RBFOX1: variants seen among roughly 807,000 people sequenced by gnomAD.
RBFOX1 encodes RNA binding fox-1 homolog 1.
A neutral mutation model predicts 57.7 loss-of-function variants in RBFOX1; 8 were observed. The observed-to-expected ratio is 0.14, with a 90% CI of 0.08 to 0.25. The LOEUF is 0.25. Among genes scored for constraint, RBFOX1 ranks in the 10% least tolerant of loss-of-function variants. The pLI, the probability that RBFOX1 is intolerant of heterozygous loss-of-function variation, is 1.00. For synonymous variants in RBFOX1, 326 were observed against 222.4 expected (o/e 1.47, Z -4.15); for missense variants, 611 against 548.5 (o/e 1.11, Z -1.14).
intron 4 of RBFOX1, among the ~76,000 whole-genome samples, chr16:5,966,558 A>G (rs2059847716): frequency 6.6e-6 from 1 of 152,202 alleles, no homozygotes; most frequent in Non-Finnish European, 1.5e-5. Flanking sequence ...CCCAGGTTCA[A>G]GCAATTCTGC....
chr16:6,148,263 G>T (rs2096773338), intron 1 of RBFOX1, among the ~76,000 whole-genome samples: 1 of 152,216 alleles, frequency 6.6e-6, no homozygotes, highest in Admixed American at 6.5e-5. Context: ...GGAGGTAGAG[G>T]TTGCAGTGAG....
At position 5,679,377 on chromosome 16, in the gene RBFOX1, A is replaced by G. The variant is rs561904132; in HGVS notation, c.318+80416A>G. On this transcript the variant is annotated intron_variant, in intron 3 of 19. Coordinates refer to the RBFOX1 transcript ENST00000641259. ...ACAATTTAAGTTCTGGGATACAAGT[A>G]CAGAATGTACAGGTTTGTTATATAG... Among the ~76,000 whole-genome samples the G allele has an allele frequency of 5.9e-5, 9 of 151,744 alleles. 1 individual carries two copies. The South Asian group carries it at 1.7e-3, about 28-fold the overall frequency.
chr16:7,219,074 G>A (rs933395932), intron 4 of RBFOX1, among the ~76,000 whole-genome samples: 1 of 152,144 alleles, frequency 6.6e-6, no homozygotes, highest in African/African-American at 2.4e-5. Flanking sequence ...TGTGGAGTTG[G>A]CCACCAGCAG....
At chr16:6,123,344 C>T (rs1386647303) in intron 1 of RBFOX1, among the ~76,000 whole-genome samples, 2 of 152,160 alleles carry the variant, frequency 1.3e-5, no homozygotes, top group Non-Finnish European at 2.9e-5. Context: ...AAAATTCTGA[C>T]ATGTGCTATA....
chr16:7,501,963 A>G (rs140095306), intron 4 of RBFOX1, among the ~76,000 whole-genome samples: 64 of 152,302 alleles, frequency 4.2e-4, no homozygotes, highest in African/African-American at 1.3e-3. Flanking sequence ...CAGATACTCA[A>G]TACCTAACTC....
At chr16:6,449,563 C>T (rs907510196) in intron 2 of RBFOX1, among the ~76,000 whole-genome samples, 1 of 152,260 alleles carries the variant, frequency 6.6e-6, no homozygotes. Flanking sequence ...GGATTTATTC[C>T]CCTTTTCCAC....
At chr16:5,348,504 G>A (rs1021401993) in intron 1 of RBFOX1, among the ~76,000 whole-genome samples, 1 of 152,186 alleles carries the variant, frequency 6.6e-6, no homozygotes, top group African/African-American at 2.4e-5. Flanking sequence ...GAGGGTAGCA[G>A]CTTGCCCAGG....
At chr16:7,479,370 A>T (rs1264125095) in intron 4 of RBFOX1, among the ~76,000 whole-genome samples, 1 of 152,056 alleles carries the variant, frequency 6.6e-6, no homozygotes, top group Non-Finnish European at 1.5e-5. Flanking sequence ...GGCTCAGTGT[A>T]TCCTCTGGCT....
At chr16:5,461,286 A>G (rs2068779234) in intron 1 of RBFOX1, among the ~76,000 whole-genome samples, 1 of 152,158 alleles carries the variant, frequency 6.6e-6, no homozygotes, top group African/African-American at 2.4e-5. Context: ...TCAAGAGTGC[A>G]ATTAGAGGCT....
intron 3 of RBFOX1, among the ~76,000 whole-genome samples, chr16:5,695,090 A>G (rs2050807559): frequency 6.6e-6 from 1 of 152,142 alleles, no homozygotes. Context: ...GGCAAATACA[A>G]CAGTGTGTAA....
intron 3 of RBFOX1, among the ~76,000 whole-genome samples, chr16:6,969,425 T>A (rs2085017054): frequency 6.7e-6 from 1 of 150,228 alleles, no homozygotes; most frequent in Admixed American, 6.6e-5. Context: ...TAATTGTGAT[T>A]TTGTACAACA....
intron 3 of RBFOX1, among the ~76,000 whole-genome samples, chr16:7,032,131 A>G (rs2042954575): frequency 6.6e-6 from 1 of 151,996 alleles, no homozygotes; most frequent in Non-Finnish European, 1.5e-5. Flanking sequence ...TTATTTTTAA[A>G]AATCTTATCT....
intron 3 of RBFOX1, among the ~76,000 whole-genome samples, chr16:6,856,540 T>G (rs571788640): frequency 3.8e-4 from 58 of 152,266 alleles, no homozygotes; most frequent in African/African-American, 1.3e-3. Context: ...TGCTCCCTCA[T>G]GAATGTTCAT....
rs181298676 is a variant in RBFOX1 at position 7,035,769 on chromosome 16, C to T, written c.-15-16288C>T. Among the ~76,000 whole-genome samples the T allele has an allele frequency of 3.3e-5, 5 of 152,228 alleles. No individual in the cohort carries two copies. The East Asian group carries it at 5.8e-4, about 18-fold the overall frequency. On this transcript the variant is annotated intron_variant, in intron 3 of 15. Transcript: ENST00000550418. ...TCATTGTTGCAGAACTTTTGGGAAT[C>T]TAGTCCTTCCAGTTAGGATTCCTTA... is the stretch of plus-strand genomic sequence containing the variant.
chr16:5,964,742 G>A (rs1003779857), intron 4 of RBFOX1, among the ~76,000 whole-genome samples: 1 of 151,160 alleles, frequency 6.6e-6, no homozygotes, highest in Non-Finnish European at 1.5e-5. Context: ...TGACTCTTAG[G>A]TTATGTGTGT....
chr16:6,794,093 A>G (rs908310333), intron 3 of RBFOX1, among the ~76,000 whole-genome samples: 4 of 152,074 alleles, frequency 2.6e-5, no homozygotes, highest in African/African-American at 7.2e-5. Context: ...TGACTGAACT[A>G]TAAGTTTAGG....
At chr16:6,480,262 C>G (rs1473365422) in intron 2 of RBFOX1, among the ~76,000 whole-genome samples, 1 of 152,140 alleles carries the variant, frequency 6.6e-6, no homozygotes, top group South Asian at 2.1e-4. Context: ...TACATACACA[C>G]TTTTCACTTA....
At chr16:7,050,084 T>G (rs992332185) in intron 3 of RBFOX1, among the ~76,000 whole-genome samples, 3 of 152,092 alleles carry the variant, frequency 2.0e-5, no homozygotes, top group African/African-American at 7.2e-5. Flanking sequence ...ACTTCATCTT[T>G]TAACAGTTTA....
chr16:6,820,139 G>T (rs1003314335), intron 3 of RBFOX1, among the ~76,000 whole-genome samples: 1 of 152,128 alleles, frequency 6.6e-6, no homozygotes, highest in Non-Finnish European at 1.5e-5. Context: ...AGGACACACT[G>T]TCTCTTGCCT....
Sources: allele counts gnomAD v4.1 joint callset (sites outside exome capture counted in the v4.1 genomes callset), GRCh38; gene constraint gnomAD v4.1.1; transcripts MANE v1.5; gene names NCBI Gene and HGNC (gene_info 2026-07-23, HGNC 2026-07-21).